The following DYNLT2B variants were observed in gnomAD, a reference collection of about 807,000 sequenced individuals.
DYNLT2B encodes dynein light chain Tctex-type protein 2B.
DYNLT2B carries 14 observed loss-of-function variants against 19.5 expected under a neutral mutation model. The observed-to-expected ratio is 0.72, with a 90% confidence interval of 0.47 to 1.12. The LOEUF is 1.12. DYNLT2B is among the 50% of genes most tolerant of loss of function. DYNLT2B has a pLI of 0.00. For synonymous variants in DYNLT2B, 70 were observed against 59.7 expected (o/e 1.17, Z -0.79); for missense variants, 133 against 174.7 (o/e 0.76, Z 1.35).
intron 2 of DYNLT2B, among the ~76,000 whole-genome samples, chr3:196,308,630 G>A (rs1726553898): frequency 1.3e-5 from 2 of 152,346 alleles, no homozygotes; most frequent in East Asian, 1.9e-4. Flanking sequence ...AGCTGAAAGA[G>A]CCAGCTCTCT....
intron 1 of DYNLT2B, among the ~76,000 whole-genome samples, chr3:196,317,154 AGTGT>A (rs199908321): frequency 0.016 from 566 of 34,896 alleles, 23 homozygotes; most frequent in Middle Eastern, 0.042. Context: ...ATTTTTTTTC[AGTGT>A]GTGTGTGTGT....
chr3:196,309,095 T>C (rs1006349160), intron 2 of DYNLT2B, among the ~76,000 whole-genome samples: 6 of 152,086 alleles, frequency 3.9e-5, no homozygotes, highest in African/African-American at 9.6e-5. Context: ...AAAGATGCAA[T>C]AGCAAAAACA....
intron 4 of DYNLT2B, among the ~76,000 whole-genome samples, chr3:196,293,543 T>G (rs945920396): frequency 3.3e-5 from 5 of 151,542 alleles, no homozygotes; most frequent in Non-Finnish European, 4.4e-5. Flanking sequence ...GGAGAATTAC[T>G]TGAACCTGGG....
chr3:196,291,454 A>C, intron 4 of DYNLT2B, 80 bp from the exon 5 acceptor site: 1 of 1,417,926 alleles, frequency 7.1e-7, no homozygotes, highest in Non-Finnish European at 9.6e-7. Flanking sequence ...GGCAACTGAA[A>C]CTAACACCAT....
chr3:196,315,853 C>T (rs1474120243), intron 2 of DYNLT2B, among the ~76,000 whole-genome samples: 1 of 152,046 alleles, frequency 6.6e-6, no homozygotes. Flanking sequence ...GCCTGGGCAA[C>T]AAGAGTGAAA....
intron 3 of DYNLT2B, among the ~76,000 whole-genome samples, chr3:196,299,574 A>C (rs1726300183): frequency 6.6e-6 from 1 of 152,140 alleles, no homozygotes; most frequent in African/African-American, 2.4e-5. Context: ...TCTGGAGGGA[A>C]GATCCCATAA....
chr3:196,303,945 C>T (rs1319419818), intron 3 of DYNLT2B, among the ~76,000 whole-genome samples: 1 of 152,056 alleles, frequency 6.6e-6, no homozygotes, highest in Non-Finnish European at 1.5e-5. Flanking sequence ...ACTGGTTAAG[C>T]CCAAGAGGTC....
chr3:196,307,212 C>G lies in DYNLT2B; in HGVS notation c.248-200G>C, dbSNP rs114389373. Among the ~76,000 whole-genome samples, 1,439 of 152,262 alleles carry G rather than the reference C, an allele frequency of 9.5e-3. 26 individuals carry two copies. Among genetic ancestry groups the G allele is most frequent in the African/African-American group, 0.032 (1,350 of 41,552 alleles). ...TGTATAACCTCAGAAAGTAATTTAA[C>G]TTTTCAGTTTAAGTCTCCCTTATTA... On this transcript the variant is annotated intron_variant, in intron 2 of 4. Transcript: ENST00000325318.
intron 4 of DYNLT2B, among the ~76,000 whole-genome samples, chr3:196,292,122 A>G (rs1047509355): frequency 6.6e-6 from 1 of 152,262 alleles, no homozygotes; most frequent in African/African-American, 2.4e-5. Context: ...TAAATTCTGG[A>G]TAAGAGAAAT....
At chr3:196,305,985 C>A (rs1403674478) in intron 3 of DYNLT2B, among the ~76,000 whole-genome samples, 1 of 151,602 alleles carries the variant, frequency 6.6e-6, no homozygotes, top group African/African-American at 2.4e-5. Flanking sequence ...ATGATCACAT[C>A]TGTGAATAGC....
At chr3:196,309,808 G>A (rs1462152274) in intron 2 of DYNLT2B, among the ~76,000 whole-genome samples, 3 of 151,530 alleles carry the variant, frequency 2.0e-5, no homozygotes, top group Non-Finnish European at 2.9e-5. Flanking sequence ...CATTAGCAGG[G>A]CGTGGTGGTG....
At chr3:196,296,639 A>G (rs566921032) in intron 3 of DYNLT2B, among the ~76,000 whole-genome samples, 7 of 152,360 alleles carry the variant, frequency 4.6e-5, no homozygotes, top group African/African-American at 1.7e-4. Context: ...TTAAATGCCC[A>G]ATAGGACTGG....
At chr3:196,308,154 T>C (rs1366243797) in intron 2 of DYNLT2B, among the ~76,000 whole-genome samples, 1 of 150,318 alleles carries the variant, frequency 6.7e-6, no homozygotes, top group East Asian at 1.9e-4. Flanking sequence ...AGGAGTGGCA[T>C]GTATGATGTA....
At chr3:196,297,062 A>G (rs1726241538) in intron 3 of DYNLT2B, among the ~76,000 whole-genome samples, 1 of 150,500 alleles carries the variant, frequency 6.6e-6, no homozygotes, top group Admixed American at 6.7e-5. Context: ...GCGTGGCGGC[A>G]GGCACCAGTA....
intron 3 of DYNLT2B, among the ~76,000 whole-genome samples, chr3:196,301,485 G>A (rs568123556): frequency 6.6e-6 from 1 of 152,272 alleles, no homozygotes; most frequent in East Asian, 1.9e-4. Flanking sequence ...GGCTGAGCGG[G>A]GCAGATCACT....
chr3:196,300,544 A>G (rs1368918295), intron 3 of DYNLT2B, among the ~76,000 whole-genome samples: 2 of 152,084 alleles, frequency 1.3e-5, no homozygotes, highest in Non-Finnish European at 2.9e-5. Context: ...AGCCTGGCCA[A>G]CATGGTGAAA....
chr3:196,298,177 C>T, intron 3 of DYNLT2B: 1 of 367,266 alleles, frequency 2.7e-6, no homozygotes, highest in South Asian at 2.4e-5. Context: ...GTTTCTTGGC[C>T]AGGAATCGCT....
Position 196,295,989 on chromosome 3 carries a change from T to C in DYNLT2B, c.381+17A>G. 2 of 1,605,282 alleles carry C rather than the reference T, an allele frequency of 1.2e-6. No individual in the cohort carries two copies. The highest frequency in any genetic ancestry group is 1.7e-4 in the Middle Eastern group (1 of 6,036). ...CACGTTCTTAGAAAGGGAAAAGAGGTTTCCAAATACACTTACATTCATGAA... is the reference window on the plus strand; with the variant it reads ...CACGTTCTTAGAAAGGGAAAAGAGGCTTCCAAATACACTTACATTCATGAA... On this transcript the variant is annotated intron_variant, in intron 4 of 4. Coordinates refer to ENST00000325318, the MANE Select transcript of DYNLT2B (RefSeq NM_152773.5).
intron 2 of DYNLT2B, among the ~76,000 whole-genome samples, chr3:196,308,343 C>T (rs1450682945): frequency 6.6e-6 from 1 of 151,954 alleles, no homozygotes; most frequent in East Asian, 1.9e-4. Context: ...GGGGCATGTG[C>T]ACAGCAGGAG....
Sources: gnomAD v4.1 joint callset for allele counts (sites outside exome capture counted in the v4.1 genomes callset) on GRCh38, gnomAD v4.1.1 for gene constraint, MANE v1.5 for transcripts, NCBI Gene and HGNC (gene_info 2026-07-23, HGNC 2026-07-21) for gene names.